The following IQCM variants were observed in gnomAD, a reference collection of about 807,000 sequenced individuals.
IQCM encodes the protein IQ motif containing M, also known as IQ domain-containing protein M.
IQCM carries 45 observed loss-of-function variants against 57.6 expected under a neutral mutation model. The observed-to-expected ratio is 0.78, with a 90% CI of 0.62 to 1.00. IQCM has a LOEUF of 1.00. Among genes scored for constraint, IQCM ranks in the 50% least tolerant of loss-of-function variants. IQCM has a pLI of 0.00. For synonymous variants in IQCM, 148 were observed against 158.9 expected, an observed-to-expected ratio of 0.93 and a Z score of 0.51; for missense variants, 468 against 511.6, an observed-to-expected ratio of 0.91 and a Z score of 0.82.
At chr4:149,661,792 T>G (rs1358246352) in intron 7 of IQCM, among the ~76,000 whole-genome samples, 2 of 152,084 alleles carry the variant, frequency 1.3e-5, no homozygotes, top group Non-Finnish European at 2.9e-5. Flanking sequence ...GGTATCAAGT[T>G]GTAATGTCTC....
intron 9 of IQCM, 132 bp from the exon 10 acceptor site, chr4:149,564,022 ATGATAT>A: frequency 2.2e-6 from 1 of 459,328 alleles, no homozygotes. Flanking sequence ...AATTCAATGT[ATGATAT>A]CACCAGGACA....
intron 12 of IQCM, among the ~76,000 whole-genome samples, chr4:149,510,598 AC>A (rs1159985064): frequency 6.6e-6 from 1 of 152,212 alleles, no homozygotes; most frequent in Non-Finnish European, 1.5e-5. Flanking sequence ...TTGATATATT[AC>A]TGATACAGGA....
chr4:149,640,686 A>T (rs887780728), intron 7 of IQCM, among the ~76,000 whole-genome samples: 7 of 152,304 alleles, frequency 4.6e-5, no homozygotes, highest in Middle Eastern at 3.4e-3. Flanking sequence ...TAAAGAAGTT[A>T]TCCTTTTTAT....
intron 12 of IQCM, among the ~76,000 whole-genome samples, chr4:149,441,936 T>C (rs1411535569): frequency 6.6e-6 from 1 of 152,106 alleles, no homozygotes; most frequent in Admixed American, 6.6e-5. Flanking sequence ...GCCTTTGCAC[T>C]TCTACCTTCC....
chr4:149,658,403 A>G (rs1372530433), intron 7 of IQCM, among the ~76,000 whole-genome samples: 1 of 151,834 alleles, frequency 6.6e-6, no homozygotes, highest in Non-Finnish European at 1.5e-5. Context: ...TTGGTTACTA[A>G]AGCTTTGTAA....
chr4:149,677,114 A>C (rs1761819257), intron 7 of IQCM, among the ~76,000 whole-genome samples: 1 of 152,076 alleles, frequency 6.6e-6, no homozygotes, highest in Admixed American at 6.6e-5. Flanking sequence ...GAAAAGTGAG[A>C]TCAAAGTGAA....
At chr4:149,411,143 T>C (rs536516402) in intron 13 of IQCM, among the ~76,000 whole-genome samples, 87 of 152,052 alleles carry the variant, frequency 5.7e-4, no homozygotes, top group Admixed American at 8.5e-4. Flanking sequence ...GCAATATCCC[T>C]GAAATTTATA....
At chr4:149,685,552 A>G (rs1762488114) in intron 6 of IQCM, among the ~76,000 whole-genome samples, 1 of 151,498 alleles carries the variant, frequency 6.6e-6, no homozygotes, top group African/African-American at 2.4e-5. Flanking sequence ...TCTAGTGTTA[A>G]GCACATAGCT....
At chr4:149,740,514 G>T (rs1561221080) in intron 3 of IQCM, among the ~76,000 whole-genome samples, 1 of 152,042 alleles carries the variant, frequency 6.6e-6, no homozygotes, top group Non-Finnish European at 1.5e-5. Flanking sequence ...GCGCACTAAT[G>T]TATGAATTTC....
At chr4:149,402,620 T>G (rs1732697982) in intron 13 of IQCM, among the ~76,000 whole-genome samples, 1 of 151,822 alleles carries the variant, frequency 6.6e-6, no homozygotes, top group African/African-American at 2.4e-5. Flanking sequence ...TTCCTTTTTT[T>G]GTGACATAAT....
intron 5 of IQCM, among the ~76,000 whole-genome samples, chr4:149,704,928 C>G (rs993053076): frequency 1.3e-5 from 2 of 151,668 alleles, no homozygotes; most frequent in African/African-American, 4.8e-5. Context: ...TGTTCATCTT[C>G]TTTTGCCCTT....
chr4:149,565,508 G>T (rs576382003), intron 9 of IQCM, among the ~76,000 whole-genome samples: 32 of 152,130 alleles, frequency 2.1e-4, no homozygotes, highest in South Asian at 1.5e-3. Flanking sequence ...TCTCTATATT[G>T]TATGTCATTT....
chr4:149,590,196 T>C (rs1368781412), intron 8 of IQCM, among the ~76,000 whole-genome samples: 6 of 151,962 alleles, frequency 3.9e-5, no homozygotes, highest in East Asian at 3.9e-4. Flanking sequence ...GCAACCTCCA[T>C]TGATGTTTTC....
Position 149,351,817 on chromosome 4 carries a change from T to C in IQCM, c.*134A>G. 7.9e-6 allele frequency: 3 copies of C among 380,276 alleles called. No homozygotes were observed. Among genetic ancestry groups the C allele is most frequent in the South Asian group, 2.9e-4 (2 of 6,796 alleles). 23.6% of individuals were successfully genotyped at this position (380,276 alleles called of 1,614,324 possible). On this transcript the variant is annotated 3_prime_UTR_variant, in exon 14 of 14. Transcript: ENST00000636793. ...AAATACTAGAAATTATAGATAAACTTGTCAAAGTTCTTTCTATATTCAAAG... is the reference window on the plus strand; with the variant it reads ...AAATACTAGAAATTATAGATAAACTCGTCAAAGTTCTTTCTATATTCAAAG...
intron 7 of IQCM, among the ~76,000 whole-genome samples, chr4:149,674,180 A>T (rs1274306515): frequency 6.6e-6 from 1 of 152,178 alleles, no homozygotes; most frequent in Non-Finnish European, 1.5e-5. Flanking sequence ...TTAAAAATGA[A>T]AACAGCATAC....
chr4:149,526,427 A>G (rs539985703), intron 12 of IQCM, among the ~76,000 whole-genome samples: 32 of 152,206 alleles, frequency 2.1e-4, no homozygotes, highest in Admixed American at 1.6e-3. Context: ...AGAGCACTGA[A>G]TATTTTTTAA....
intron 7 of IQCM, among the ~76,000 whole-genome samples, chr4:149,630,267 C>G (rs1757149923): frequency 6.6e-6 from 1 of 152,170 alleles, no homozygotes; most frequent in Non-Finnish European, 1.5e-5. Flanking sequence ...TTCTTGCGGG[C>G]AATGGACTGC....
chr4:149,422,481 A>G (rs1469399614), intron 13 of IQCM, among the ~76,000 whole-genome samples: 4 of 152,050 alleles, frequency 2.6e-5, no homozygotes, highest in Non-Finnish European at 4.4e-5. Flanking sequence ...CCAACAACCT[A>G]TTTTTAAGCT....
chr4:149,608,549 A>C (rs2150047817), intron 8 of IQCM, among the ~76,000 whole-genome samples: 1 of 152,074 alleles, frequency 6.6e-6, no homozygotes, highest in Middle Eastern at 3.4e-3. Flanking sequence ...AAAAACATTG[A>C]AATCATATGA....
Sources: allele counts gnomAD v4.1 joint callset (sites outside exome capture counted in the v4.1 genomes callset), GRCh38; gene constraint gnomAD v4.1.1; transcripts MANE v1.5; gene names NCBI Gene and HGNC (gene_info 2026-07-23, HGNC 2026-07-21).